The following NSMCE2 variants were observed in gnomAD, a reference collection of about 807,000 sequenced individuals.
The protein encoded by NSMCE2 is NSE2 SUMO ligase component of SMC5/6 complex, also known as E3 SUMO-protein ligase NSE2.
NSMCE2 carries 24 observed loss-of-function variants against 23.8 expected under a neutral mutation model. The ratio of observed to expected loss-of-function variants is 1.01; its 90% confidence interval spans 0.73 to 1.42. The LOEUF is 1.42. Ranked by LOEUF, NSMCE2 falls within the 40% of genes most tolerant of loss-of-function variation. NSMCE2 has a pLI of 0.00. For synonymous variants in NSMCE2, 92 were observed against 94.1 expected, an observed-to-expected ratio of 0.98 and a Z score of 0.13; for missense variants, 284 against 296.5, an observed-to-expected ratio of 0.96 and a Z score of 0.31.
At chr8:125,317,220 C>T (rs1420757725) in intron 5 of NSMCE2, among the ~76,000 whole-genome samples, 1 of 150,900 alleles carries the variant, frequency 6.6e-6, no homozygotes, top group Non-Finnish European at 1.5e-5. Context: ...TTATTGGAGA[C>T]AGGGTCTCAC....
At chr8:125,191,591 A>G (rs1176260263) in intron 5 of NSMCE2, among the ~76,000 whole-genome samples, 2 of 152,168 alleles carry the variant, frequency 1.3e-5, no homozygotes, top group Non-Finnish European at 2.9e-5. Context: ...GATACCAGAC[A>G]TTACATAGCA....
In NSMCE2 at chr8:125,171,254, A is replaced by G. The variant is rs1173524699; in HGVS notation, c.265-10849A>G. On this transcript the variant is annotated intron_variant, in intron 4 of 7. Coordinates refer to ENST00000287437, the MANE Select transcript of NSMCE2 (RefSeq NM_173685.4). ...TTATTCTTCTACTCAAGTAGAATAC[A>G]AACTCCACAAGGGCAGGAACTGGTT... 2.0e-5 allele frequency among the ~76,000 whole-genome samples: 3 copies of G among 152,226 alleles called. No homozygotes were observed. In the East Asian group the frequency reaches 5.8e-4, roughly 29 times the overall value.
intron 5 of NSMCE2, among the ~76,000 whole-genome samples, chr8:125,237,447 A>C (rs908893919): frequency 6.6e-6 from 1 of 152,198 alleles, no homozygotes; most frequent in Non-Finnish European, 1.5e-5. Context: ...AACACCTGCC[A>C]GATTGAGGCA....
chr8:125,265,733 A>G (rs1295197782), intron 5 of NSMCE2, among the ~76,000 whole-genome samples: 1 of 152,160 alleles, frequency 6.6e-6, no homozygotes, highest in East Asian at 1.9e-4. Flanking sequence ...TCTGACTCCA[A>G]ATCATATGCT....
intron 5 of NSMCE2, among the ~76,000 whole-genome samples, chr8:125,291,369 T>A (rs973359411): frequency 6.6e-6 from 1 of 152,236 alleles, no homozygotes; most frequent in African/African-American, 2.4e-5. Context: ...TAAATTTAAT[T>A]AATGTTTGCT....
chr8:125,217,970 T>G, intron 5 of NSMCE2, among the ~76,000 whole-genome samples: 1 of 152,174 alleles, frequency 6.6e-6, no homozygotes, highest in East Asian at 1.9e-4. Context: ...TTTGTGGTCA[T>G]TAAAGCAGAA....
intron 5 of NSMCE2, among the ~76,000 whole-genome samples, chr8:125,300,600 A>G (rs1428792551): frequency 6.6e-6 from 1 of 152,192 alleles, no homozygotes; most frequent in African/African-American, 2.4e-5. Flanking sequence ...CTTATTCGCT[A>G]TGCCATGGGG....
intron 5 of NSMCE2, among the ~76,000 whole-genome samples, chr8:125,237,950 G>C (rs949426404): frequency 9.2e-5 from 14 of 152,140 alleles, no homozygotes; most frequent in African/African-American, 3.4e-4. Context: ...CATGACAGTT[G>C]ACCTCTTCTG....
rs1181225207 is a variant in NSMCE2, at chr8:125,271,370, CAATT to C, written c.419-85846_419-85843del. On this transcript the variant is annotated intron_variant, in intron 5 of 7. Transcript: ENST00000287437. ...GGGGAGGAATTAAATTTGAGAGAAA[CAATT>C]AAATTTGAAAGATATTTGGAATGTT... Among the ~76,000 whole-genome samples the C allele has an allele frequency of 4.6e-5, 7 of 151,586 alleles. No individual in the cohort carries two copies. The East Asian group carries it at 1.2e-3, about 25-fold the overall frequency.
chr8:125,332,060 A>G (rs1487104115), intron 5 of NSMCE2, among the ~76,000 whole-genome samples: 1 of 152,220 alleles, frequency 6.6e-6, no homozygotes, highest in Non-Finnish European at 1.5e-5. Flanking sequence ...TATGAAGCCC[A>G]CAGCCAGATA....
At chr8:125,337,432 C>T (rs1830093329) in intron 5 of NSMCE2, among the ~76,000 whole-genome samples, 1 of 152,216 alleles carries the variant, frequency 6.6e-6, no homozygotes, top group African/African-American at 2.4e-5. Context: ...CATACTTGGG[C>T]AATTATCTCT....
chr8:125,236,240 T>C (rs1255320455), intron 5 of NSMCE2, among the ~76,000 whole-genome samples: 1 of 152,176 alleles, frequency 6.6e-6, no homozygotes, highest in Non-Finnish European at 1.5e-5. Flanking sequence ...TTTCTAGTTA[T>C]AGACCTGGTG....
intron 3 of NSMCE2, among the ~76,000 whole-genome samples, chr8:125,142,032 GA>G (rs1820399584): frequency 6.6e-6 from 1 of 152,124 alleles, no homozygotes; most frequent in African/African-American, 2.4e-5. Flanking sequence ...AAACAACCTA[GA>G]GAGCTAAGAG....
At chr8:125,278,086 G>T (rs780936106) in intron 5 of NSMCE2, among the ~76,000 whole-genome samples, 10 of 152,160 alleles carry the variant, frequency 6.6e-5, no homozygotes, top group Non-Finnish European at 7.3e-5. Context: ...CACATAGCCC[G>T]TGAAATATTT....
chr8:125,208,779 T>A (rs1824212857), intron 5 of NSMCE2, among the ~76,000 whole-genome samples: 1 of 152,158 alleles, frequency 6.6e-6, no homozygotes, highest in Non-Finnish European at 1.5e-5. Flanking sequence ...AGTGGAGAGG[T>A]AGGAATCCTA....
intron 4 of NSMCE2, among the ~76,000 whole-genome samples, chr8:125,157,875 A>T (rs1000685049): frequency 1.3e-5 from 2 of 152,182 alleles, no homozygotes; most frequent in Non-Finnish European, 2.9e-5. Flanking sequence ...CTAATTAATC[A>T]GGATGTGAAT....
intron 5 of NSMCE2, among the ~76,000 whole-genome samples, chr8:125,212,435 G>T (rs145360043): frequency 2.7e-4 from 41 of 152,208 alleles, no homozygotes; most frequent in African/African-American, 9.9e-4. Flanking sequence ...TGAGAGCCCG[G>T]TATGTGCAGG....
At chr8:125,216,559 G>GTAC (rs1824592894) in intron 5 of NSMCE2, among the ~76,000 whole-genome samples, 14 of 151,900 alleles carry the variant, frequency 9.2e-5, no homozygotes, top group Admixed American at 9.2e-4. Flanking sequence ...GCTTGAACCT[G>GTAC]GGAGGCGGAG....
At chr8:125,353,407 T>C (rs948559397) in intron 5 of NSMCE2, among the ~76,000 whole-genome samples, 17 of 152,122 alleles carry the variant, frequency 1.1e-4, no homozygotes, top group African/African-American at 4.1e-4. Flanking sequence ...TGTCCAACTT[T>C]CCCGAGCCAT....
Sources: allele counts gnomAD v4.1 joint callset (sites outside exome capture counted in the v4.1 genomes callset), GRCh38; gene constraint gnomAD v4.1.1; transcripts MANE v1.5; gene names NCBI Gene and HGNC (gene_info 2026-07-23, HGNC 2026-07-21).